The following DEPTOR variants were observed in gnomAD, a reference collection of about 807,000 sequenced individuals.
The protein encoded by DEPTOR is DEP domain-containing mTOR-interacting protein.
In DEPTOR, 41 loss-of-function variants were observed where a neutral mutation model predicts 41.6. That is an observed-to-expected ratio of 0.98 (90% CI 0.77 to 1.28). DEPTOR has a LOEUF of 1.28. DEPTOR is among the 50% of genes most tolerant of loss of function. DEPTOR has a pLI of 0.00. For synonymous variants in DEPTOR, 195 were observed against 192.3 expected, an observed-to-expected ratio of 1.01 and a Z score of -0.12; for missense variants, 514 against 527.9, an observed-to-expected ratio of 0.97 and a Z score of 0.26.
At chr8:119,986,373 G>A (rs894381737) in intron 4 of DEPTOR, among the ~76,000 whole-genome samples, 8 of 152,146 alleles carry the variant, frequency 5.3e-5, no homozygotes, top group Non-Finnish European at 1.0e-4. Context: ...CTTCTGTCTT[G>A]TAGAGTTTCT....
Position 119,873,831 on chromosome 8 carries a change from G to A in DEPTOR, c.-16G>A, listed in dbSNP as rs1207453063. The stretch of plus-strand genomic sequence containing the variant: ...GCGGACAGCGGAGCCAGTGGTAGCC[G>A]CACGGCCCTAAAACCATGGAGGAGG... On this transcript the variant is annotated 5_prime_UTR_variant, in exon 1 of 9. Transcript: ENST00000286234. 6.2e-7 allele frequency: 1 copy of A among 1,608,970 alleles called. No homozygotes were observed. The highest frequency in any genetic ancestry group is 8.5e-7 in the Non-Finnish European group (1 of 1,177,682).
intron 1 of DEPTOR, among the ~76,000 whole-genome samples, chr8:119,921,713 A>G (rs1827895948): frequency 6.6e-6 from 1 of 151,724 alleles, no homozygotes; most frequent in Non-Finnish European, 1.5e-5. Flanking sequence ...CTCCAGGGTC[A>G]TAGAAGGATG....
At chr8:119,917,456 G>A (rs1479979357) in intron 1 of DEPTOR, among the ~76,000 whole-genome samples, 1 of 152,174 alleles carries the variant, frequency 6.6e-6, no homozygotes, top group African/African-American at 2.4e-5. Flanking sequence ...AACATGTGGT[G>A]TGTCAACTCA....
rs765421883 is a variant in DEPTOR at position 120,049,795 on chromosome 8, G to A, written c.*91G>A. 1.5e-5 allele frequency: 23 copies of A among 1,541,340 alleles called. No homozygotes were observed. Among genetic ancestry groups the A allele is most frequent in the Non-Finnish European group, 2.0e-5 (23 of 1,132,720 alleles). ...GCAAAGACAAGATTGCCATGCAAAT[G>A]GATGGTTTTGGACATACGAGTCTTC... is the stretch of plus-strand genomic sequence containing the variant. On this transcript the variant is annotated 3_prime_UTR_variant, in exon 9 of 9. Coordinates refer to ENST00000286234, the MANE Select transcript of DEPTOR (RefSeq NM_022783.4).
At chr8:120,028,104 C>G (rs1812827445) in intron 8 of DEPTOR, among the ~76,000 whole-genome samples, 1 of 152,116 alleles carries the variant, frequency 6.6e-6, no homozygotes, top group Non-Finnish European at 1.5e-5. Context: ...AGGTGGTGTT[C>G]CACAGTTTGT....
At position 119,965,382 on chromosome 8, in the gene DEPTOR, G is replaced by A; in HGVS notation, c.576G>A (p.Arg192=). The A allele has an allele frequency of 6.2e-7, 1 of 1,614,024 alleles. No individual in the cohort carries two copies. The highest frequency in any genetic ancestry group is 8.5e-7 in the Non-Finnish European group (1 of 1,180,010). ...AAGAGGCAGAGCAGCTTTGCCACCG[G>A]CTTATGGAGCATGGCATCATCCAGC... is the stretch of plus-strand genomic sequence containing the variant. ...TRKEAEQLCH[R]LMEHGIIQHV... is the part of the protein sequence containing the mutation. Residue 192 remains arginine, a synonymous_variant, in exon 4 of 9, where the codon CGG becomes CGA. Coordinates refer to ENST00000286234, the MANE Select transcript of DEPTOR (RefSeq NM_022783.4).
intron 4 of DEPTOR, among the ~76,000 whole-genome samples, chr8:119,975,767 AG>A (rs1485543157): frequency 6.6e-6 from 1 of 151,766 alleles, no homozygotes; most frequent in Non-Finnish European, 1.5e-5. Flanking sequence ...GCCTGACTGA[AG>A]CTTGGTCCAG....
chr8:120,023,910 A>G (rs1340796912), intron 8 of DEPTOR, among the ~76,000 whole-genome samples: 1 of 151,990 alleles, frequency 6.6e-6, no homozygotes, highest in Non-Finnish European at 1.5e-5. Context: ...CCAGGAGGAA[A>G]GAAGGGAAGC....
rs1812489189 is a variant in DEPTOR at position 120,008,918 on chromosome 8, A to G, written c.997-111A>G. The stretch of plus-strand genomic sequence containing the variant: ...CTGGCAGGGAAGAGAGAAACGGAGG[A>G]AAATATGTCACAGTGTATACTTAAT... On this transcript the variant is annotated intron_variant, in intron 7 of 8. Transcript: ENST00000286234. The G allele has an allele frequency of 8.5e-6, 8 of 944,652 alleles. No individual in the cohort carries two copies. The South Asian group carries it at 1.3e-4, about 15-fold the overall frequency. 58.5% of individuals were successfully genotyped at this position (944,652 alleles called of 1,614,324 possible).
At chr8:119,931,037 G>T (rs536583487) in intron 3 of DEPTOR, among the ~76,000 whole-genome samples, 102 of 151,912 alleles carry the variant, frequency 6.7e-4, no homozygotes, top group Non-Finnish European at 1.4e-3. Flanking sequence ...CATGGTGAAA[G>T]CCCGTCTCCA....
chr8:119,934,256 C>G (rs1396509247), intron 3 of DEPTOR, among the ~76,000 whole-genome samples: 1 of 152,182 alleles, frequency 6.6e-6, no homozygotes, highest in Non-Finnish European at 1.5e-5. Context: ...GGTCTCAAAA[C>G]TACAATTTCA....
intron 3 of DEPTOR, among the ~76,000 whole-genome samples, chr8:119,954,845 G>GGTGTGTGTGTGTGTGTGTGTGT (rs10649943): frequency 1.4e-4 from 20 of 147,948 alleles, no homozygotes; most frequent in African/African-American, 5.0e-4. Flanking sequence ...GGCAAATATT[G>GGTGTGTGTGTGTGTGTGTGTGT]GTGTGTGTGT....
intron 8 of DEPTOR, among the ~76,000 whole-genome samples, chr8:120,038,904 A>T (rs1432256278): frequency 6.6e-6 from 1 of 152,246 alleles, no homozygotes; most frequent in Non-Finnish European, 1.5e-5. Context: ...ATTTTTAATG[A>T]AATTACACAT....
chr8:119,938,631 GC>G (rs1828141757), intron 3 of DEPTOR, among the ~76,000 whole-genome samples: 2 of 152,096 alleles, frequency 1.3e-5, no homozygotes. Context: ...TCTTGCCTCA[GC>G]CACCCCAGAA....
intron 4 of DEPTOR, among the ~76,000 whole-genome samples, chr8:119,983,341 T>C (rs1828791160): frequency 6.6e-6 from 1 of 151,970 alleles, no homozygotes; most frequent in Non-Finnish European, 1.5e-5. Flanking sequence ...ACCGAGTAGC[T>C]GGGATTACAG....
At chr8:119,985,733 C>T (rs935584365) in intron 4 of DEPTOR, among the ~76,000 whole-genome samples, 1 of 151,144 alleles carries the variant, frequency 6.6e-6, no homozygotes, top group Non-Finnish European at 1.5e-5. Flanking sequence ...TTGCATTGAT[C>T]CCTTTACCAT....
intron 1 of DEPTOR, among the ~76,000 whole-genome samples, chr8:119,907,131 C>T (rs1827674048): frequency 6.6e-6 from 1 of 152,042 alleles, no homozygotes; most frequent in African/African-American, 2.4e-5. Flanking sequence ...GTTGTAGCAA[C>T]AAAACTGTTT....
At chr8:119,956,519 G>T (rs924057965) in intron 3 of DEPTOR, among the ~76,000 whole-genome samples, 2 of 152,080 alleles carry the variant, frequency 1.3e-5, no homozygotes, top group Non-Finnish European at 2.9e-5. Flanking sequence ...TACAAGAAAT[G>T]ACACAAGTTA....
intron 3 of DEPTOR, among the ~76,000 whole-genome samples, chr8:119,935,705 A>G (rs1467362695): frequency 6.6e-6 from 1 of 151,270 alleles, no homozygotes; most frequent in East Asian, 1.9e-4. Flanking sequence ...TGGGCAGCAG[A>G]GCAAGACTCC....
Sources: gnomAD v4.1 joint callset for allele counts (sites outside exome capture counted in the v4.1 genomes callset) on GRCh38, gnomAD v4.1.1 for gene constraint, MANE v1.5 for transcripts, NCBI Gene and HGNC (gene_info 2026-07-23, HGNC 2026-07-21) for gene names.